Variants in CYSLTR2 observed in about 807,000 individuals in gnomAD.
CYSLTR2 encodes the protein cysteinyl leukotriene receptor 2.
For synonymous variants in CYSLTR2, 179 were observed against 160.8 expected, an observed-to-expected ratio of 1.11 and a Z score of -0.86; for missense variants, 398 against 411.9, an observed-to-expected ratio of 0.97 and a Z score of 0.29.
At position 48,707,515 on chromosome 13, in the gene CYSLTR2, T is replaced by A; in HGVS notation, c.698T>A (p.Val233Asp). 2 of 1,610,732 alleles carry A rather than the reference T, an allele frequency of 1.2e-6. No individual in the cohort carries two copies. The highest frequency in any genetic ancestry group is 1.7e-6 in the Non-Finnish European group (2 of 1,179,982). The change falls in exon 5 of 5, where the codon GTC becomes GAC. Residue 233 changes from valine to aspartate, a missense_variant. Physicochemically the swap from Val to Asp is radical, Grantham distance 152. Coordinates refer to ENST00000682523, the MANE Select transcript of CYSLTR2 (RefSeq NM_001308476.3). The part of the protein sequence containing the change: ...LIIRVLLKVE[V>D]PESGLRVSHR... The stretch of plus-strand genomic sequence containing the variant: ...ATTCGGGTTCTGTTAAAAGTGGAGG[T>A]CCCAGAATCGGGGCTGCGGGTTTCT...
At position 48,706,925 on chromosome 13, in the gene CYSLTR2, C is replaced by T; in HGVS notation, c.108C>T (p.Phe36=). The change falls in exon 5 of 5, where the codon TTC becomes TTT. Residue 36 remains phenylalanine, a synonymous_variant. Transcript: ENST00000682523. The part of the protein sequence containing the change: ...NNSRNCTIEN[F]KREFFPIVYL... ...GCAGGAACTGCACAATTGAAAACTT[C>T]AAGAGAGAATTTTTCCCAATTGTAT... is the stretch of plus-strand genomic sequence containing the variant. 1.2e-5 allele frequency: 20 copies of T among 1,614,172 alleles called. No homozygotes were observed. Among genetic ancestry groups the T allele is most frequent in the Non-Finnish European group, 1.5e-5 (18 of 1,180,018 alleles).
chr13:48,692,626 A>G (rs1056656273), intron 2 of CYSLTR2, among the ~76,000 whole-genome samples: 5 of 151,330 alleles, frequency 3.3e-5, no homozygotes, highest in African/African-American at 4.8e-5. Context: ...CAGGAAATCA[A>G]CAGGATATTT....
At chr13:48,671,531 T>C (rs1448280184) in intron 1 of CYSLTR2, among the ~76,000 whole-genome samples, 1 of 152,258 alleles carries the variant, frequency 6.6e-6, no homozygotes, top group Non-Finnish European at 1.5e-5. Context: ...TCTATTGAGA[T>C]ATTCATGTGG....
intron 4 of CYSLTR2, among the ~76,000 whole-genome samples, chr13:48,705,821 A>C (rs1227044399): frequency 6.6e-6 from 1 of 151,508 alleles, no homozygotes; most frequent in Admixed American, 6.6e-5. Context: ...AAAACATTAA[A>C]TGTAACTTAG....
chr13:48,674,538 T>G (rs1953542700), intron 1 of CYSLTR2, among the ~76,000 whole-genome samples: 1 of 152,230 alleles, frequency 6.6e-6, no homozygotes, highest in South Asian at 2.1e-4. Context: ...TTATCAATGT[T>G]CTTAGATTTC....
intron 1 of CYSLTR2, among the ~76,000 whole-genome samples, chr13:48,677,104 A>G (rs1230507404): frequency 3.3e-5 from 5 of 152,124 alleles, no homozygotes; most frequent in Non-Finnish European, 5.9e-5. Context: ...GAAATGGAAA[A>G]CCATGAGGCC....
At chr13:48,705,984 T>C (rs1165531776) in intron 4 of CYSLTR2, among the ~76,000 whole-genome samples, 10 of 149,262 alleles carry the variant, frequency 6.7e-5, no homozygotes, top group Non-Finnish European at 1.3e-4. Context: ...TTGTTTTTTG[T>C]TTTGTTTTGT....
chr13:48,680,820 T>G (rs564986704), intron 1 of CYSLTR2, among the ~76,000 whole-genome samples: 1 of 140,812 alleles, frequency 7.1e-6, no homozygotes, highest in African/African-American at 2.7e-5. Flanking sequence ...TTTTTTTTTT[T>G]GCAGTCTAGT....
chr13:48,672,616 C>CTTTTTTTTTTT (rs71076039), intron 1 of CYSLTR2, among the ~76,000 whole-genome samples: 21 of 120,110 alleles, frequency 1.7e-4, no homozygotes, highest in Non-Finnish European at 2.7e-4. Context: ...CTTTTCTTTT[C>CTTTTTTTTTTT]TTTTTTTTTT....
At chr13:48,688,865 C>A (rs1298595382) in intron 1 of CYSLTR2, among the ~76,000 whole-genome samples, 1 of 152,168 alleles carries the variant, frequency 6.6e-6, no homozygotes, top group Non-Finnish European at 1.5e-5. Flanking sequence ...CTAATTTACA[C>A]TCCCACCAAC....
At chr13:48,677,100 G>A (rs914706660) in intron 1 of CYSLTR2, among the ~76,000 whole-genome samples, 12 of 152,252 alleles carry the variant, frequency 7.9e-5, no homozygotes, top group Admixed American at 3.3e-4. Context: ...TCAGGAAATG[G>A]AAAACCATGA....
At chr13:48,661,591 T>C (rs1953130748) in intron 1 of CYSLTR2, among the ~76,000 whole-genome samples, 1 of 152,066 alleles carries the variant, frequency 6.6e-6, no homozygotes, top group South Asian at 2.1e-4. Flanking sequence ...ATGCCATTTA[T>C]AGATGGCATA....
In CYSLTR2 at chr13:48,711,151, G is replaced by A. The variant is rs1391451427; in HGVS notation, c.*3293G>A. 2 of 152,110 alleles carry A rather than the reference G, an allele frequency of 1.3e-5. No individual in the cohort carries two copies. Among genetic ancestry groups the A allele is most frequent in the African/African-American group, 4.8e-5 (2 of 41,418 alleles). The allele number at this position is 152,110 out of a possible 1,614,324, so 9.4% of individuals were successfully genotyped here. Reference sequence around the variant, plus strand: ...GGTGGGGACTTATTTTACGAACTGTGTAATTGCCTAACTTGTGAATATGTA... The same window carrying A: ...GGTGGGGACTTATTTTACGAACTGTATAATTGCCTAACTTGTGAATATGTA... On this transcript the variant is annotated 3_prime_UTR_variant, in exon 5 of 5. Coordinates refer to ENST00000682523, the MANE Select transcript of CYSLTR2 (RefSeq NM_001308476.3).
chr13:48,695,391 T>TTCTCTCTCTCTCTCTTTCTC, intron 3 of CYSLTR2, among the ~76,000 whole-genome samples: 1 of 138,844 alleles, frequency 7.2e-6, no homozygotes, highest in Middle Eastern at 3.6e-3. Context: ...CTTTCTTTCT[T>TTCTCTCTCTCTCTCTTTCTC]TCTCTCTCTC....
intron 1 of CYSLTR2, among the ~76,000 whole-genome samples, chr13:48,686,283 T>C (rs1300396846): frequency 1.3e-5 from 2 of 152,212 alleles, no homozygotes; most frequent in African/African-American, 4.8e-5. Context: ...ATTATATGGA[T>C]TCTCAGGGTC....
At chr13:48,658,348 A>G (rs1953048009) in intron 1 of CYSLTR2, among the ~76,000 whole-genome samples, 1 of 152,250 alleles carries the variant, frequency 6.6e-6, no homozygotes, top group Non-Finnish European at 1.5e-5. Context: ...ACATCATTTC[A>G]TTATAAAAAC....
Position 48,710,572 on chromosome 13 carries a change from A to G in CYSLTR2, c.*2714A>G, listed in dbSNP as rs1954609996. ...AAAGTTCTTGACTTAATAAGGAAAG[A>G]AAAAAAACACATGCTGAAGTTGCTA... is the stretch of plus-strand genomic sequence containing the variant. On this transcript the variant is annotated 3_prime_UTR_variant, in exon 5 of 5. Transcript: ENST00000682523. 6.6e-6 allele frequency: 1 copy of G among 151,992 alleles called. No individual in the cohort carries two copies. The highest frequency in any genetic ancestry group is 1.5e-5 in the Non-Finnish European group (1 of 67,968). 9.4% of individuals were successfully genotyped at this position (151,992 alleles called of 1,614,324 possible). A position where few individuals can be genotyped will look rare whatever the true frequency, so the allele number is the denominator to read the frequency against.
At chr13:48,701,953 C>T (rs908827444) in intron 4 of CYSLTR2, among the ~76,000 whole-genome samples, 8 of 152,152 alleles carry the variant, frequency 5.3e-5, no homozygotes, top group Non-Finnish European at 7.3e-5. Context: ...TATAGAGACA[C>T]ATGCACACGT....
At chr13:48,683,529 T>C (rs1953814995) in intron 1 of CYSLTR2, among the ~76,000 whole-genome samples, 1 of 152,204 alleles carries the variant, frequency 6.6e-6, no homozygotes, top group Admixed American at 6.5e-5. Context: ...ATGAATAATA[T>C]GTCTTCTTTT....
Sources: gnomAD v4.1 joint callset for allele counts (sites outside exome capture counted in the v4.1 genomes callset) on GRCh38, gnomAD v4.1.1 for gene constraint, MANE v1.5 for transcripts, NCBI Gene and HGNC (gene_info 2026-07-23, HGNC 2026-07-21) for gene names.